FOXK1: variants seen among roughly 807,000 people sequenced by gnomAD.
FOXK1 encodes the protein forkhead box K1.
A neutral mutation model predicts 51.9 loss-of-function variants in FOXK1; 19 were observed. That is an observed-to-expected ratio of 0.37 (90% CI 0.26 to 0.54). The LOEUF is 0.54. FOXK1 is among the 20% of genes least tolerant of loss of function. FOXK1 has a pLI of 0.87. For synonymous variants in FOXK1, 537 were observed against 482.6 expected (o/e 1.11, Z -1.48); for missense variants, 870 against 1,032.7 (o/e 0.84, Z 2.16).
chr7:4,693,665 G>A (rs375628148), intron 1 of FOXK1, among the ~76,000 whole-genome samples: 79 of 152,212 alleles, frequency 5.2e-4, no homozygotes, highest in African/African-American at 1.8e-3. Flanking sequence ...GCAGAGTGAT[G>A]GGGGAGGTGG....
rs1052390297 is a variant in FOXK1 at position 4,709,766 on chromosome 7, A to T, written c.560+26898A>T. ...AGTGTCATGATAATTCTTGGCGTTGAGTGACCTCACGATGTGCTGTCCGTC... is the reference window on the plus strand; with the variant it reads ...AGTGTCATGATAATTCTTGGCGTTGTGTGACCTCACGATGTGCTGTCCGTC... On this transcript the variant is annotated intron_variant, in intron 1 of 8. Coordinates refer to ENST00000328914, the MANE Select transcript of FOXK1 (RefSeq NM_001037165.2). This position sits in a 1 kb window ranked among gnomAD's most constrained non-coding sequence, Gnocchi z 5.6. Among the ~76,000 whole-genome samples, 1 of 152,204 alleles carries T rather than the reference A, an allele frequency of 6.6e-6. No homozygotes were observed. Among genetic ancestry groups the T allele is most frequent in the African/African-American group, 2.4e-5 (1 of 41,448 alleles).
At chr7:4,691,104 G>A (rs1268233713) in intron 1 of FOXK1, among the ~76,000 whole-genome samples, 4 of 152,144 alleles carry the variant, frequency 2.6e-5, no homozygotes, top group Admixed American at 1.3e-4. Context: ...CAGAATGTGC[G>A]TAACCAAGAA....
chr7:4,695,936 CAAAAA>C (rs72005510), intron 1 of FOXK1, among the ~76,000 whole-genome samples: 1 of 116,836 alleles, frequency 8.6e-6, no homozygotes, highest in African/African-American at 3.2e-5. Flanking sequence ...AACTCCGTCT[CAAAAA>C]AAAAAAAAAA....
rs533386828 is a variant in FOXK1, at chr7:4,731,413, T to C, written c.561-9425T>C. Among the ~76,000 whole-genome samples, 1 of 152,226 alleles carries C rather than the reference T, an allele frequency of 6.6e-6. No homozygotes were observed. Among genetic ancestry groups the C allele is most frequent in the Non-Finnish European group, 1.5e-5 (1 of 68,042 alleles). On this transcript the variant is annotated intron_variant, in intron 1 of 8. Coordinates refer to ENST00000328914, the MANE Select transcript of FOXK1 (RefSeq NM_001037165.2). This position sits in a 1 kb window ranked among gnomAD's most constrained non-coding sequence, Gnocchi z 5.3. ...TGTAACAGCTTTTGCCTCCCATTCTTGAGTCTTTCATTTCTTCAAGGACAT... is the reference window on the plus strand; with the variant it reads ...TGTAACAGCTTTTGCCTCCCATTCTCGAGTCTTTCATTTCTTCAAGGACAT...
intron 1 of FOXK1, among the ~76,000 whole-genome samples, chr7:4,727,707 C>G (rs1339920902): frequency 6.6e-6 from 1 of 152,252 alleles, no homozygotes; most frequent in South Asian, 2.1e-4. Context: ...AGACTGGGCC[C>G]TGTCCCACCT....
At chr7:4,727,550 G>T (rs1386370086) in intron 1 of FOXK1, among the ~76,000 whole-genome samples, 10 of 152,120 alleles carry the variant, frequency 6.6e-5, no homozygotes, top group African/African-American at 2.4e-4. Flanking sequence ...CCTGACCTCA[G>T]GTGATCCTCC....
chr7:4,710,039 T>G (rs1009159725), intron 1 of FOXK1, among the ~76,000 whole-genome samples: 6 of 152,214 alleles, frequency 3.9e-5, no homozygotes, highest in African/African-American at 1.4e-4. Flanking sequence ...CAGCGCCACT[T>G]CTTCTTACGG....
chr7:4,708,925 C>T (rs907546211), intron 1 of FOXK1, among the ~76,000 whole-genome samples: 2 of 151,962 alleles, frequency 1.3e-5, no homozygotes, highest in Non-Finnish European at 2.9e-5. Flanking sequence ...ATTAGCTGGG[C>T]GTGATGGCGT....
Position 4,766,597 on chromosome 7 carries a change from C to CT in FOXK1, c.*4134dup, listed in dbSNP as rs1165247937. 2.6e-5 allele frequency: 4 copies of CT among 152,306 alleles called. No homozygotes were observed. The highest frequency in any genetic ancestry group is 9.6e-5 in the African/African-American group (4 of 41,468). 9.4% of individuals were successfully genotyped at this position (152,306 alleles called of 1,614,324 possible). A position where few individuals can be genotyped will look rare whatever the true frequency, so the allele number is the denominator to read the frequency against. Reference sequence around the variant, plus strand: ...GTTCCCTGCTCCTAGGTACCACGCTCTGTGCTTCTCAGGCAGGGAGGAGAT... The same window carrying CT: ...GTTCCCTGCTCCTAGGTACCACGCTCTTGTGCTTCTCAGGCAGGGAGGAGAT... On this transcript the variant is annotated 3_prime_UTR_variant, in exon 9 of 9. Transcript: ENST00000328914. The surrounding 1 kb of genome is among the most constrained non-coding windows in gnomAD (Gnocchi z 5.5).
At chr7:4,696,805 C>T (rs1240611456) in intron 1 of FOXK1, among the ~76,000 whole-genome samples, 2 of 152,158 alleles carry the variant, frequency 1.3e-5, no homozygotes, top group Non-Finnish European at 2.9e-5. Flanking sequence ...CTGTGGCTCA[C>T]GCCTGTAATC....
intron 2 of FOXK1, among the ~76,000 whole-genome samples, chr7:4,750,235 G>A (rs1000241946): frequency 6.6e-6 from 1 of 152,124 alleles, no homozygotes; most frequent in East Asian, 1.9e-4. Flanking sequence ...GGCTGTCACT[G>A]TCCAGCCTCT....
At chr7:4,693,888 A>C (rs370379059) in intron 1 of FOXK1, among the ~76,000 whole-genome samples, 25 of 151,874 alleles carry the variant, frequency 1.6e-4, no homozygotes, top group African/African-American at 5.6e-4. Context: ...AAAATAACAA[A>C]AGTTTTTTTT....
intron 1 of FOXK1, among the ~76,000 whole-genome samples, chr7:4,738,991 C>A (rs1157217933): frequency 6.6e-6 from 1 of 152,162 alleles, no homozygotes. Context: ...AGCCAGGCAC[C>A]CTTCGTCACC....
In FOXK1 at chr7:4,737,306, G is replaced by A. The variant is rs1015731208; in HGVS notation, c.561-3532G>A. On this transcript the variant is annotated intron_variant, in intron 1 of 8. Transcript: ENST00000328914. ...CAAATAGGAGAACATGGTCTGTTTC[G>A]TTGATTTGCAGTGGTTGAGGGAACT... Among the ~76,000 whole-genome samples, 7 of 152,324 alleles carry A rather than the reference G, an allele frequency of 4.6e-5. No homozygotes were observed. In the South Asian group the frequency reaches 1.0e-3, roughly 23 times the overall value.
intron 1 of FOXK1, among the ~76,000 whole-genome samples, chr7:4,704,541 C>G (rs953691276): frequency 1.3e-5 from 2 of 150,530 alleles, no homozygotes; most frequent in Non-Finnish European, 3.0e-5. Context: ...AAAAAATGCT[C>G]AAAGGATTAC....
chr7:4,705,966 ATATATACGTATATATACGTATATATACG>A (rs1562372959), intron 1 of FOXK1, among the ~76,000 whole-genome samples: 12 of 72,078 alleles, frequency 1.7e-4, no homozygotes, highest in Middle Eastern at 5.5e-3. Context: ...ATATGTATAT[ATATATACGTATATATACGTATATATACG>A]TATATATACG....
intron 1 of FOXK1, among the ~76,000 whole-genome samples, chr7:4,705,517 T>TTCTCTCTC (rs56842360): frequency 0.011 from 1,215 of 111,242 alleles, 19 homozygotes; most frequent in East Asian, 0.035. Context: ...TTCCTTCTCT[T>TTCTCTCTC]TCTCTCTCTC....
chr7:4,689,163 A>G (rs1779859387), intron 1 of FOXK1, among the ~76,000 whole-genome samples: 1 of 151,922 alleles, frequency 6.6e-6, no homozygotes, highest in African/African-American at 2.4e-5. Flanking sequence ...TTTTTAGTAG[A>G]GAGGGGGTTT....
chr7:4,717,846 C>T (rs576977379), intron 1 of FOXK1, among the ~76,000 whole-genome samples: 2 of 152,184 alleles, frequency 1.3e-5, no homozygotes, highest in African/African-American at 2.4e-5. Context: ...GACCGACCAC[C>T]GCCGTGTGTT....
Sources: allele counts gnomAD v4.1 joint callset (sites outside exome capture counted in the v4.1 genomes callset), GRCh38; gene constraint gnomAD v4.1.1; non-coding constraint Gnocchi (gnomAD v3.1); transcripts MANE v1.5; gene names NCBI Gene and HGNC (gene_info 2026-07-23, HGNC 2026-07-21).